DYM: variants seen among roughly 807,000 people sequenced by gnomAD.
The protein encoded by DYM is dymeclin, also known as dyggve-Melchior-Clausen syndrome protein.
In DYM, 78 loss-of-function variants were observed where a neutral mutation model predicts 93.1. The ratio of observed to expected loss-of-function variants is 0.84; its 90% CI spans 0.70 to 1.01. DYM has a LOEUF of 1.01. DYM is among the 50% of genes least tolerant of loss of function. DYM has a pLI of 0.00. For missense variants in DYM, 789 were observed against 845.0 expected, an observed-to-expected ratio of 0.93 and a Z score of 0.82; for synonymous variants, 321 against 319.7, an observed-to-expected ratio of 1.00 and a Z score of -0.04.
chr18:49,294,727 C>G (rs2060412372), intron 8 of DYM, among the ~76,000 whole-genome samples: 1 of 152,076 alleles, frequency 6.6e-6, no homozygotes, highest in South Asian at 2.1e-4. Context: ...ACTTGCTAAA[C>G]TATAAATGAT....
At chr18:49,210,823 C>A (rs1167141906) in intron 13 of DYM, among the ~76,000 whole-genome samples, 2 of 152,108 alleles carry the variant, frequency 1.3e-5, no homozygotes, top group Non-Finnish European at 2.9e-5. Context: ...ATCACTTTTG[C>A]TGTGAACCTA....
rs1224742522 is a variant in DYM at position 49,156,732 on chromosome 18, CAAAAAAAAAA to C, written c.1728+6943_1728+6952del. Among the ~76,000 whole-genome samples the C allele has an allele frequency of 4.7e-5, 3 of 63,210 alleles. No homozygotes were observed. In the South Asian group the frequency reaches 1.8e-3, roughly 37 times the overall value. The allele number at this position is 63,210 out of a possible 152,430, so 41.5% of individuals were successfully genotyped here. A position where few individuals can be genotyped will look rare whatever the true frequency, so the allele number is the denominator to read the frequency against. ...GGGCGACAGAGTGAAAACGCTGTCTCAAAAAAAAAAAAAAAAAAAAAAAGTGTGGAAGACA... is the reference window on the plus strand; with the variant it reads ...GGGCGACAGAGTGAAAACGCTGTCTCAAAAAAAAAAAAAGTGTGGAAGACA... On this transcript the variant is annotated intron_variant, in intron 15 of 17. Transcript: ENST00000675505.
At position 49,282,462 on chromosome 18, in the gene DYM, A is replaced by C. The variant is rs377411071; in HGVS notation, c.947-287T>G. 1.3e-4 allele frequency among the ~76,000 whole-genome samples: 20 copies of C among 152,092 alleles called. No homozygotes were observed. The South Asian group carries it at 4.2e-3, about 32-fold the overall frequency. The stretch of plus-strand genomic sequence containing the variant: ...ACCCCATCTCTACTAAAAATACAGA[A>C]ATTAGCCAGGCATGGTGGCGTGGGC... On this transcript the variant is annotated intron_variant, in intron 9 of 17. Transcript: ENST00000675505.
chr18:49,234,252 C>A (rs578077222), intron 13 of DYM, among the ~76,000 whole-genome samples: 20 of 151,924 alleles, frequency 1.3e-4, no homozygotes, highest in African/African-American at 4.8e-4. Context: ...TCCAGGAGTT[C>A]GAGAACAGCC....
chr18:49,182,710 TTGAG>T (rs1427955979), intron 14 of DYM, among the ~76,000 whole-genome samples: 9 of 152,208 alleles, frequency 5.9e-5, no homozygotes, highest in African/African-American at 1.9e-4. Context: ...TTCTTTTGGG[TTGAG>T]TATTTTTATG....
chr18:49,090,740 A>G (rs1408046241), intron 17 of DYM, among the ~76,000 whole-genome samples: 2 of 152,234 alleles, frequency 1.3e-5, no homozygotes, highest in African/African-American at 4.8e-5. Flanking sequence ...AAATGAGATC[A>G]CTGGAAAAAT....
In DYM at chr18:49,270,592, G is replaced by C. The variant is rs1202226131; in HGVS notation, c.1251+1586C>G. 3.9e-5 allele frequency among the ~76,000 whole-genome samples: 6 copies of C among 152,080 alleles called. No homozygotes were observed. In the East Asian group the frequency reaches 9.6e-4, roughly 24 times the overall value. On this transcript the variant is annotated intron_variant, in intron 11 of 17. Transcript: ENST00000675505. ...TGCTCTTGCCACAAAAAATAAAGGA[G>C]GTAACTATGTGAGATGATGGATATG...
At chr18:49,149,770 A>G (rs1051538704) in intron 15 of DYM, among the ~76,000 whole-genome samples, 24 of 140,540 alleles carry the variant, frequency 1.7e-4, no homozygotes, top group African/African-American at 6.2e-4. Context: ...CCAGTGGCAC[A>G]ATCTCGGCTC....
At chr18:49,320,767 C>T (rs562135375) in intron 8 of DYM, among the ~76,000 whole-genome samples, 9 of 152,274 alleles carry the variant, frequency 5.9e-5, no homozygotes, top group South Asian at 4.2e-4. Context: ...GCCACCGTGG[C>T]TGGCCTGATT....
intron 15 of DYM, among the ~76,000 whole-genome samples, chr18:49,147,218 T>G (rs1192071534): frequency 6.6e-6 from 1 of 152,122 alleles, no homozygotes; most frequent in East Asian, 1.9e-4. Context: ...AAGACTTAGA[T>G]GTTAGACCTA....
chr18:49,171,925 T>C (rs1368288113), intron 14 of DYM, among the ~76,000 whole-genome samples: 1 of 152,200 alleles, frequency 6.6e-6, no homozygotes, highest in Non-Finnish European at 1.5e-5. Context: ...AAAAATGTTT[T>C]TGAAAAATGT....
intron 6 of DYM, among the ~76,000 whole-genome samples, chr18:49,346,143 A>C (rs1298554164): frequency 6.6e-6 from 1 of 152,214 alleles, no homozygotes; most frequent in Non-Finnish European, 1.5e-5. Flanking sequence ...TAGCCAGAAG[A>C]ACTGAAAACG....
At position 49,371,312 on chromosome 18, in the gene DYM, C is replaced by A. The variant is rs72642459; in HGVS notation, c.421+7255G>T. Among the ~76,000 whole-genome samples the A allele has an allele frequency of 3.5e-3, 535 of 152,236 alleles. 28 individuals carry two copies. In the East Asian group the frequency reaches 0.086, roughly 25 times the overall value. ...GCCAGGAATTTGAGACCAGCCTGGG[C>A]AACATAGTGAGACCCCATCTCTACC... On this transcript the variant is annotated intron_variant, in intron 5 of 17. Transcript: ENST00000675505.
intron 11 of DYM, among the ~76,000 whole-genome samples, chr18:49,265,366 T>C (rs1455815063): frequency 6.6e-6 from 1 of 152,188 alleles, no homozygotes; most frequent in East Asian, 1.9e-4. Context: ...ACAAGTTTGG[T>C]AGGTTTATTT....
chr18:49,217,532 C>T (rs1600735183), intron 13 of DYM, among the ~76,000 whole-genome samples: 1 of 152,260 alleles, frequency 6.6e-6, no homozygotes, highest in African/African-American at 2.4e-5. Context: ...CAAAGGGAAG[C>T]CCATCAGACT....
At chr18:49,125,385 C>G (rs950795137) in intron 15 of DYM, among the ~76,000 whole-genome samples, 2 of 152,206 alleles carry the variant, frequency 1.3e-5, no homozygotes, top group African/African-American at 2.4e-5. Flanking sequence ...GTTGGCACTG[C>G]TAGTCCTAGT....
At chr18:49,258,558 G>T in intron 11 of DYM, 65 bp from the exon 12 acceptor site, 1 of 1,036,404 alleles carries the variant, frequency 9.6e-7, no homozygotes, top group Non-Finnish European at 1.5e-6. Context: ...ATTACTCCAT[G>T]TCCACAATTT....
chr18:49,350,735 A>AG (rs2065043007), intron 6 of DYM, among the ~76,000 whole-genome samples: 1 of 151,502 alleles, frequency 6.6e-6, no homozygotes, highest in South Asian at 2.1e-4. Context: ...AGAAAAAAAA[A>AG]AAAAAAACAA....
In DYM at chr18:49,046,829, G is replaced by T. The variant is rs116296519; in HGVS notation, c.2026-2625C>A. Among the ~76,000 whole-genome samples, 265 of 152,282 alleles carry T rather than the reference G, an allele frequency of 1.7e-3. 1 individual carries two copies. Among genetic ancestry groups the T allele is most frequent in the African/African-American group, 5.9e-3 (246 of 41,558 alleles). On this transcript the variant is annotated intron_variant, in intron 17 of 17. Transcript: ENST00000675505. ...GGATTGCTTGAGCCCAGGAGTTCGA[G>T]GCTTCAGTGAGCTAGAATCATGCCA... is the stretch of plus-strand genomic sequence containing the variant.
Sources: gnomAD v4.1 joint callset for allele counts (sites outside exome capture counted in the v4.1 genomes callset) on GRCh38, gnomAD v4.1.1 for gene constraint, MANE v1.5 for transcripts, NCBI Gene and HGNC (gene_info 2026-07-23, HGNC 2026-07-21) for gene names.